Variants in SV2C observed in about 807,000 individuals in gnomAD.
SV2C encodes the protein solute carrier family 22 member B3.
Under a neutral mutation model 79.7 loss-of-function variants are expected in SV2C, and 49 were observed. The ratio of observed to expected loss-of-function variants is 0.61; its 90% CI spans 0.49 to 0.78. The LOEUF (loss-of-function observed/expected upper bound fraction) is 0.78, where lower values mean the gene tolerates loss of function less well. Among genes scored for constraint, SV2C ranks in the 30% least tolerant of loss-of-function variants. The pLI, the probability that SV2C is intolerant of heterozygous loss-of-function variation, is 0.00. For missense variants in SV2C, 833 were observed against 912.9 expected (o/e 0.91, Z 1.13); for synonymous variants, 334 against 333.2 (o/e 1.00, Z -0.03).
chr5:75,869,953 G>A, the SV2C span, among the ~76,000 whole-genome samples: 1 of 152,120 alleles, frequency 6.6e-6, no homozygotes, highest in African/African-American at 2.4e-5. Flanking sequence ...TCTGGGCTTG[G>A]GATGCCTTCT....
At chr5:76,155,358 T>C (rs1413429971) in intron 2 of SV2C, among the ~76,000 whole-genome samples, 1 of 152,184 alleles carries the variant, frequency 6.6e-6, no homozygotes, top group Non-Finnish European at 1.5e-5. Flanking sequence ...GCTGTAGTAT[T>C]TGAAGCAAGA....
At chr5:76,290,165 A>G (rs1200276471) in intron 6 of SV2C, among the ~76,000 whole-genome samples, 2 of 152,212 alleles carry the variant, frequency 1.3e-5, no homozygotes, top group African/African-American at 4.8e-5. Flanking sequence ...ATTGCATTTG[A>G]TTTGGAATTC....
chr5:76,308,647 T>G (rs777594928), intron 12 of SV2C, among the ~76,000 whole-genome samples: 14 of 151,502 alleles, frequency 9.2e-5, no homozygotes, highest in Non-Finnish European at 1.2e-4. Flanking sequence ...TTGGCATTTC[T>G]GGGTTGGCAA....
chr5:76,042,864 G>A, the SV2C span, among the ~76,000 whole-genome samples: 6 of 152,048 alleles, frequency 3.9e-5, no homozygotes, highest in African/African-American at 1.2e-4. Context: ...TCTGACAATC[G>A]CTGCAGCTGA....
the SV2C span, among the ~76,000 whole-genome samples, chr5:76,062,431 C>T: frequency 6.6e-6 from 1 of 152,096 alleles, no homozygotes; most frequent in Non-Finnish European, 1.5e-5. Flanking sequence ...ATCTTGGAAG[C>T]AGAGACCAAA....
intron 4 of SV2C, among the ~76,000 whole-genome samples, chr5:76,269,124 G>C (rs1288084957): frequency 6.6e-6 from 1 of 152,258 alleles, no homozygotes; most frequent in South Asian, 2.1e-4. Context: ...GATACTTCTT[G>C]TTTGAAGGTG....
the SV2C span, among the ~76,000 whole-genome samples, chr5:75,952,631 C>A: frequency 6.6e-6 from 1 of 151,776 alleles, no homozygotes; most frequent in Admixed American, 6.6e-5. Flanking sequence ...TCTGAGACCT[C>A]CTCCTTCTCT....
chr5:76,063,949 G>A, the SV2C span, among the ~76,000 whole-genome samples: 2 of 152,024 alleles, frequency 1.3e-5, no homozygotes, highest in African/African-American at 4.8e-5. Flanking sequence ...GATGTACCCT[G>A]GATGCCTATG....
At chr5:75,896,231 A>C in the SV2C span, among the ~76,000 whole-genome samples, 1 of 115,400 alleles carries the variant, frequency 8.7e-6, no homozygotes, top group African/African-American at 3.3e-5. Context: ...ACCCCACAAC[A>C]GTCCCCAGAG....
intron 4 of SV2C, among the ~76,000 whole-genome samples, chr5:76,273,140 A>G (rs1320680896): frequency 7.1e-6 from 1 of 141,818 alleles, no homozygotes; most frequent in East Asian, 2.0e-4. Context: ...AATCTTTTAC[A>G]AAAAAGATAT....
the SV2C span, among the ~76,000 whole-genome samples, chr5:76,066,654 T>C: frequency 6.6e-6 from 1 of 152,118 alleles, no homozygotes; most frequent in South Asian, 2.1e-4. Context: ...TGTTGTTTCA[T>C]CTTCATATGT....
the SV2C span, among the ~76,000 whole-genome samples, chr5:76,074,226 C>G: frequency 3.9e-5 from 6 of 152,308 alleles, no homozygotes; most frequent in African/African-American, 1.2e-4. Context: ...TTCTGGGAAG[C>G]TGTACTTCTT....
the SV2C span, among the ~76,000 whole-genome samples, chr5:76,052,679 A>G: frequency 1.3e-5 from 2 of 152,234 alleles, no homozygotes; most frequent in Non-Finnish European, 2.9e-5. Flanking sequence ...CAGACTCTCT[A>G]AGTGGGTCCT....
At chr5:76,069,836 A>T in the SV2C span, among the ~76,000 whole-genome samples, 14 of 142,740 alleles carry the variant, frequency 9.8e-5, no homozygotes, top group East Asian at 6.7e-4. Context: ...TCTCTCTCTC[A>T]CACACACACA....
intron 1 of SV2C, among the ~76,000 whole-genome samples, chr5:76,112,279 G>T (rs1030801295): frequency 6.6e-6 from 1 of 152,224 alleles, no homozygotes; most frequent in Non-Finnish European, 1.5e-5. Context: ...GCACTCTTAG[G>T]TGGTGTGGTC....
chr5:75,914,332 A>G, the SV2C span, among the ~76,000 whole-genome samples: 1 of 152,180 alleles, frequency 6.6e-6, no homozygotes, highest in Non-Finnish European at 1.5e-5. Context: ...CTACTTTTTC[A>G]TACCCATATT....
chr5:75,902,119 C>G, the SV2C span, among the ~76,000 whole-genome samples: 1,058 of 152,294 alleles, frequency 6.9e-3, 4 homozygotes, highest in Non-Finnish European at 0.011. Flanking sequence ...GTGTCTGGCA[C>G]TCCCTAGTGA....
chr5:75,879,198 C>T, the SV2C span, among the ~76,000 whole-genome samples: 2 of 152,096 alleles, frequency 1.3e-5, no homozygotes, highest in Non-Finnish European at 2.9e-5. Flanking sequence ...AATATTCAAA[C>T]CATATCATTC....
At chr5:76,211,756 A>G (rs1744774918) in intron 4 of SV2C, among the ~76,000 whole-genome samples, 1 of 152,190 alleles carries the variant, frequency 6.6e-6, no homozygotes, top group African/African-American at 2.4e-5. Flanking sequence ...TCAGACATAG[A>G]CTTTAGTATT....
Sources: allele counts gnomAD v4.1 joint callset (sites outside exome capture counted in the v4.1 genomes callset), GRCh38; gene constraint gnomAD v4.1.1; transcripts MANE v1.5; gene names NCBI Gene and HGNC (gene_info 2026-07-23, HGNC 2026-07-21).